The following PDE3B variants were observed in gnomAD, a reference collection of about 807,000 sequenced individuals.
PDE3B encodes the protein phosphodiesterase 3B, also known as cGMP-inhibited 3',5'-cyclic phosphodiesterase 3B.
PDE3B carries 66 observed loss-of-function variants against 116.8 expected under a neutral mutation model. The ratio of observed to expected loss-of-function variants is 0.56; its 90% confidence interval spans 0.46 to 0.69. The LOEUF (loss-of-function observed/expected upper bound fraction) is 0.69, where lower values mean the gene tolerates loss of function less well. Ranked by LOEUF, PDE3B falls within the 30% of genes least tolerant of loss-of-function variation. PDE3B has a pLI of 0.00. For missense variants in PDE3B, 1,384 were observed against 1,368.1 expected (o/e 1.01, Z -0.18); for synonymous variants, 595 against 533.6 (o/e 1.12, Z -1.59).
chr11:14,664,884 A>AG (rs1382422362), intron 1 of PDE3B, among the ~76,000 whole-genome samples: 38 of 152,348 alleles, frequency 2.5e-4, no homozygotes, highest in African/African-American at 8.4e-4. Flanking sequence ...TCCAATCAAT[A>AG]GAAAAAGAGG....
intron 1 of PDE3B, among the ~76,000 whole-genome samples, chr11:14,680,394 A>G (rs1174990229): frequency 1.3e-5 from 2 of 152,156 alleles, no homozygotes; most frequent in Non-Finnish European, 2.9e-5. Flanking sequence ...GTTTGGCCCC[A>G]GTGTTCTTTG....
intron 11 of PDE3B, among the ~76,000 whole-genome samples, chr11:14,840,202 A>T (rs1860179931): frequency 6.6e-6 from 1 of 152,202 alleles, no homozygotes; most frequent in Admixed American, 6.5e-5. Flanking sequence ...TCTCTAGAAG[A>T]CCACTACAAG....
At chr11:14,724,933 T>C (rs1447047856) in intron 1 of PDE3B, among the ~76,000 whole-genome samples, 4 of 152,202 alleles carry the variant, frequency 2.6e-5, no homozygotes, top group African/African-American at 9.7e-5. Context: ...TCCAGGGATA[T>C]AGCAGGGATA....
At chr11:14,696,274 T>C (rs1855205024) in intron 1 of PDE3B, among the ~76,000 whole-genome samples, 1 of 152,160 alleles carries the variant, frequency 6.6e-6, no homozygotes, top group Admixed American at 6.6e-5. Context: ...TGTTGAGCTG[T>C]TTTTCGTATG....
chr11:14,771,896 G>A, intron 1 of PDE3B, 41 bp from the exon 2 acceptor site: 1 of 907,990 alleles, frequency 1.1e-6, no homozygotes, highest in Non-Finnish European at 1.6e-6. Flanking sequence ...ATACTTTTTT[G>A]TTTATTTTTG....
At chr11:14,651,311 G>A (rs1347861058) in intron 1 of PDE3B, among the ~76,000 whole-genome samples, 4 of 152,036 alleles carry the variant, frequency 2.6e-5, no homozygotes, top group Admixed American at 6.6e-5. Flanking sequence ...ATCTTCTAAG[G>A]ATCCAGGTCA....
chr11:14,850,600 C>T (rs1283077627), intron 12 of PDE3B, among the ~76,000 whole-genome samples: 1 of 151,868 alleles, frequency 6.6e-6, no homozygotes, highest in Admixed American at 6.6e-5. Context: ...TCTCTTTTTT[C>T]CCTTAAGATT....
chr11:14,819,812 T>G (rs1337994821), intron 7 of PDE3B, among the ~76,000 whole-genome samples: 1 of 152,130 alleles, frequency 6.6e-6, no homozygotes, highest in Non-Finnish European at 1.5e-5. Flanking sequence ...GTACAAGATC[T>G]GTTGGAAGAC....
At chr11:14,811,212 C>G (rs1859116760) in intron 5 of PDE3B, among the ~76,000 whole-genome samples, 1 of 151,960 alleles carries the variant, frequency 6.6e-6, no homozygotes, top group Non-Finnish European at 1.5e-5. Flanking sequence ...GTTGCCATTG[C>G]TTTTGGTGTT....
At chr11:14,864,284 GGAGCACCCAGATTCA>G (rs1555007728) in intron 14 of PDE3B, among the ~76,000 whole-genome samples, 1 of 152,130 alleles carries the variant, frequency 6.6e-6, no homozygotes, top group Non-Finnish European at 1.5e-5. Context: ...ACCCAATACA[GGAGCACCCAGATTCA>G]TAAAGCAAGT....
the PDE3B span, chr11:14,880,424 G>A: frequency 6.2e-7 from 1 of 1,613,386 alleles, no homozygotes; most frequent in Non-Finnish European, 8.5e-7. Flanking sequence ...CCAAAAGGCA[G>A]GATGCCAATC....
At chr11:14,765,886 G>A (rs1402992665) in intron 1 of PDE3B, among the ~76,000 whole-genome samples, 1 of 150,608 alleles carries the variant, frequency 6.6e-6, no homozygotes, top group African/African-American at 2.4e-5. Context: ...TTGGTATTGG[G>A]TTTAGATGCC....
rs569782599 is a variant in PDE3B at position 14,715,967 on chromosome 11, G to A, written c.979-55970G>A. Among the ~76,000 whole-genome samples, 33 of 152,328 alleles carry A rather than the reference G, an allele frequency of 2.2e-4. No individual in the cohort carries two copies. In the South Asian group the frequency reaches 6.2e-3, roughly 29 times the overall value. On this transcript the variant is annotated intron_variant, in intron 1 of 15. Transcript: ENST00000282096. ...CCGGTCTACAGCTCCCAGCGTGAGC[G>A]ACGCAGAAGACAGGTGATTTCTGCA...
In PDE3B at chr11:14,843,910, C is replaced by G; in HGVS notation, c.2404C>G (p.Leu802Val). The change falls in exon 12 of 16, where the codon CTG becomes GTG. Residue 802 changes from leucine to valine, a missense_variant. By Grantham distance (32) the Leu-to-Val change is conservative. Transcript: ENST00000282096. Reference sequence around the variant, plus strand: ...TAATCCTGATGAGAGTTATGGCTGCCTGTCTTCAAACATTCCTGCATTAGA... The same window carrying G: ...TAATCCTGATGAGAGTTATGGCTGCGTGTCTTCAAACATTCCTGCATTAGA... Reference protein sequence around the residue: ...CSNPDESYGCLSSNIPALELM... With the variant: ...CSNPDESYGCVSSNIPALELM... 3.7e-6 allele frequency: 6 copies of G among 1,614,088 alleles called. No homozygotes were observed. Among genetic ancestry groups the G allele is most frequent in the Non-Finnish European group, 5.1e-6 (6 of 1,179,966 alleles).
chr11:14,795,067 G>A (rs924744051), intron 4 of PDE3B, among the ~76,000 whole-genome samples: 1 of 152,120 alleles, frequency 6.6e-6, no homozygotes, highest in Non-Finnish European at 1.5e-5. Context: ...ATTTTTATAG[G>A]AGCTTCATTT....
intron 1 of PDE3B, among the ~76,000 whole-genome samples, chr11:14,676,141 T>C (rs1015165080): frequency 6.6e-6 from 1 of 152,168 alleles, no homozygotes; most frequent in African/African-American, 2.4e-5. Flanking sequence ...TTTTGTGAAA[T>C]GTTCAAGTCT....
chr11:14,880,425 G>C, the PDE3B span: 1 of 1,613,446 alleles, frequency 6.2e-7, no homozygotes. Flanking sequence ...CAAAAGGCAG[G>C]ATGCCAATCC....
chr11:14,689,774 G>GC (rs1854994084), intron 1 of PDE3B, among the ~76,000 whole-genome samples: 1 of 152,150 alleles, frequency 6.6e-6, no homozygotes, highest in Non-Finnish European at 1.5e-5. Context: ...TAAGCTCCAG[G>GC]TTTGTCACTT....
Position 14,832,779 on chromosome 11 carries a change from C to A in PDE3B, c.2152C>A (p.Gln718Lys). The A allele has an allele frequency of 6.5e-7, 1 of 1,540,140 alleles. No individual in the cohort carries two copies. Among genetic ancestry groups the A allele is most frequent in the Non-Finnish European group, 8.9e-7 (1 of 1,120,858 alleles). Residue 718 changes from glutamine to lysine, a missense_variant, in exon 10 of 16, where the codon CAA (glutamine) becomes AAA (lysine). Gln to Lys is a moderately conservative substitution (Grantham distance 53, BLOSUM62 1). This residue lies in a region of PDE3B where 428 missense variants were observed against 561.4 expected (regional missense o/e 0.76). Transcript: ENST00000282096. ...GLLEIFKIPT[Q>K]QFMNYFRALE... The stretch of plus-strand genomic sequence containing the variant: ...ATTGGAAATATTTAAAATTCCCACT[C>A]AACAATTTATGAACTATTTTCGTGC...
Sources: gnomAD v4.1 joint callset for allele counts (sites outside exome capture counted in the v4.1 genomes callset) on GRCh38, gnomAD v4.1.1 for gene constraint, gnomAD v4.1.1 regional missense constraint, MANE v1.5 for transcripts, NCBI Gene and HGNC (gene_info 2026-07-23, HGNC 2026-07-21) for gene names.